The following HERC1 variants were observed in gnomAD, a reference collection of about 807,000 sequenced individuals.
HERC1 encodes the protein HECT and RLD domain containing E3 ubiquitin protein ligase family member 1.
In HERC1, 160 loss-of-function variants were observed where a neutral mutation model predicts 554.3. The ratio of observed to expected loss-of-function variants is 0.29; its 90% CI spans 0.25 to 0.33. The LOEUF is 0.33. Among genes scored for constraint, HERC1 ranks in the 10% least tolerant of loss-of-function variants. The pLI is 1.00. For missense variants in HERC1, 4,919 were observed against 5,918.5 expected (o/e 0.83, Z 5.54); for synonymous variants, 2,175 against 2,131.7 (o/e 1.02, Z -0.56).
intron 60 of HERC1, 53 bp downstream of exon 60, chr15:63,641,417 A>T: frequency 6.8e-7 from 1 of 1,476,780 alleles, no homozygotes; most frequent in Non-Finnish European, 9.3e-7. Context: ...CTATAATCAC[A>T]TTCCAAAGCA....
chr15:63,714,043 GA>G (rs1424097127), intron 22 of HERC1, among the ~76,000 whole-genome samples: 1 of 152,108 alleles, frequency 6.6e-6, no homozygotes. Context: ...TTCTGAATCA[GA>G]ACCTCTAGGT....
chr15:63,720,417 T>C (rs1263940863), intron 19 of HERC1, among the ~76,000 whole-genome samples: 1 of 152,142 alleles, frequency 6.6e-6, no homozygotes, highest in Non-Finnish European at 1.5e-5. Context: ...ACAGATTTGC[T>C]AAATATCTGG....
At chr15:63,653,159 G>C in intron 51 of HERC1, among the ~76,000 whole-genome samples, 1 of 152,064 alleles carries the variant, frequency 6.6e-6, no homozygotes, top group East Asian at 1.9e-4. Flanking sequence ...TGTTTAAGTA[G>C]GCCAGGTGCA....
Position 63,729,569 on chromosome 15 carries a change from A to T in HERC1, c.2949T>A (p.Ala983=), listed in dbSNP as rs761949130. ...GTSSSENSQP[A]HLHELLCSLQ... ...GTGAACATAGCAGTTCATGAAGATGAGCAGGCTGACTGTTTTCTGATGATG... is the reference window on the plus strand; with the variant it reads ...GTGAACATAGCAGTTCATGAAGATGTGCAGGCTGACTGTTTTCTGATGATG... The change falls in exon 15 of 78, where the codon GCT becomes GCA. Residue 983 remains alanine (A), a synonymous_variant. Transcript: ENST00000443617. 2 of 1,613,846 alleles carry T rather than the reference A, an allele frequency of 1.2e-6. No homozygotes were observed. The highest frequency in any genetic ancestry group is 1.3e-5 in the African/African-American group (1 of 75,026).
chr15:63,619,815 G>T (rs950335826), intron 74 of HERC1, among the ~76,000 whole-genome samples: 1 of 152,078 alleles, frequency 6.6e-6, no homozygotes, highest in African/African-American at 2.4e-5. Context: ...ATGGTAGTTT[G>T]TATTTCTGTG....
chr15:63,695,234 G>GCCATATTCA (rs2072335989), intron 27 of HERC1, among the ~76,000 whole-genome samples: 1 of 151,892 alleles, frequency 6.6e-6, no homozygotes, highest in African/African-American at 2.4e-5. Context: ...ACAGGGTTTC[G>GCCATATTCA]CCATATTGTC....
At chr15:63,725,903 T>A (rs150939207) in intron 17 of HERC1, among the ~76,000 whole-genome samples, 1 of 152,078 alleles carries the variant, frequency 6.6e-6, no homozygotes, top group African/African-American at 2.4e-5. Context: ...CATTCAAGAT[T>A]GTTTAATGCT....
chr15:63,628,903 CATAAATAAGTTA>C, intron 69 of HERC1, 88 bp from the exon 70 acceptor site: 1 of 1,249,130 alleles, frequency 8.0e-7, no homozygotes, highest in Non-Finnish European at 1.1e-6. Context: ...TGGTGGCAGA[CATAAATAAGTTA>C]ATAACTGTAC....
At chr15:63,705,764 T>G (rs892538840) in intron 25 of HERC1, among the ~76,000 whole-genome samples, 49 of 152,148 alleles carry the variant, frequency 3.2e-4, no homozygotes, top group Admixed American at 4.6e-4. Flanking sequence ...TGGTGGCTCA[T>G]GCATACAATA....
chr15:63,657,403 G>A (rs916581531), intron 48 of HERC1, among the ~76,000 whole-genome samples: 2 of 151,670 alleles, frequency 1.3e-5, no homozygotes, highest in African/African-American at 4.8e-5. Flanking sequence ...CACTGAGGTT[G>A]AACATCTTTT....
chr15:63,674,748 T>A lies in HERC1; in HGVS notation c.7440A>T (p.Gln2480His). 1 of 1,613,894 alleles carries A rather than the reference T, an allele frequency of 6.2e-7. No homozygotes were observed. The highest frequency in any genetic ancestry group is 8.5e-7 in the Non-Finnish European group (1 of 1,179,862). The part of the protein sequence containing the change: ...PTLPSVESQH[Q>H]ITEGKRKNHE... ...GATTTTTTCTTTTCCCTTCTGTTAT[T>A]TGATGTTGGGATTCCACACTTGGCA... The change falls in exon 38 of 78, where the codon CAA becomes CAT. Residue 2480 changes from glutamine (Q) to histidine (H), a missense_variant. Gln to His is a conservative substitution (Grantham distance 24). Coordinates refer to ENST00000443617, the MANE Select transcript of HERC1 (RefSeq NM_003922.4).
chr15:63,745,497 G>A (rs2075022876), intron 12 of HERC1, among the ~76,000 whole-genome samples: 1 of 152,212 alleles, frequency 6.6e-6, no homozygotes, highest in African/African-American at 2.4e-5. Context: ...GTGCACAGGT[G>A]TCAGCTGAGT....
At chr15:63,620,359 C>T (rs1237064650) in intron 74 of HERC1, among the ~76,000 whole-genome samples, 5 of 152,076 alleles carry the variant, frequency 3.3e-5, no homozygotes, top group South Asian at 4.2e-4. Flanking sequence ...GTCTGAGAGA[C>T]AGTTTGTTAT....
intron 13 of HERC1, among the ~76,000 whole-genome samples, chr15:63,733,543 G>A (rs2074381049): frequency 6.6e-6 from 1 of 152,082 alleles, no homozygotes; most frequent in African/African-American, 2.4e-5. Context: ...CTAAACTAAT[G>A]CAAAATACTC....
Position 63,767,761 on chromosome 15 carries a change from GGA to G in HERC1, c.931-3572_931-3571del, listed in dbSNP as rs570149143. Among the ~76,000 whole-genome samples, 90 of 152,274 alleles carry G rather than the reference GGA, an allele frequency of 5.9e-4. 3 individuals carry two copies. In the South Asian group the frequency reaches 0.018, roughly 30 times the overall value. On this transcript the variant is annotated intron_variant, in intron 2 of 77. Transcript: ENST00000443617. ...AAATCAATGAAATGTCAATCACTTT[GGA>G]GAGTTCTCCGAAGAGCTGAGTATTA...
Position 63,764,144 on chromosome 15 carries a change from C to G in HERC1, c.978G>C (p.Ser326=), listed in dbSNP as rs376235781. ...RSQWREPTRT[S]DGLCSLYEAA... ...CCTCGTAAAGGGAGCACAAGCCATC[C>G]GATGTTCTGGTTGGTTCTCTCCACT... The change falls in exon 3 of 78, where the codon TCG becomes TCC. Residue 326 remains serine, a synonymous_variant. Transcript: ENST00000443617. The G allele has an allele frequency of 3.7e-6, 6 of 1,611,216 alleles. No homozygotes were observed. In the African/African-American group the frequency reaches 6.7e-5, roughly 18 times the overall value.
Position 63,680,129 on chromosome 15 carries a change from G to A in HERC1, c.6497C>T (p.Ala2166Val), listed in dbSNP as rs1387371127. The A allele has an allele frequency of 8.7e-6, 14 of 1,613,276 alleles. No individual in the cohort carries two copies. Among genetic ancestry groups the A allele is most frequent in the South Asian group, 2.2e-5 (2 of 91,036 alleles). The change falls in exon 36 of 78, where the codon GCA (alanine) becomes GTA (valine). Residue 2166 changes from alanine to valine, a missense_variant. This residue lies in a region of HERC1 where 85 missense variants were observed against 163.2 expected (regional missense o/e 0.52). Transcript: ENST00000443617. This position sits in a 1 kb window ranked among gnomAD's most constrained non-coding sequence, Gnocchi z 5.8. ...CATCACACATGGGTACAACTCTGCT[G>A]CATCCACATCTTCAAAAGCTAATTT... ...EPKLAFEDVDAAELYPCVMFY... is the reference protein window; with the variant it reads ...EPKLAFEDVDVAELYPCVMFY...
intron 12 of HERC1, among the ~76,000 whole-genome samples, chr15:63,746,373 A>C (rs1420538085): frequency 6.6e-6 from 1 of 152,198 alleles, no homozygotes; most frequent in Non-Finnish European, 1.5e-5. Flanking sequence ...TTTGTATTAC[A>C]AATATATAGA....
chr15:63,682,988 T>C (rs1471127609), intron 34 of HERC1, among the ~76,000 whole-genome samples: 1 of 151,826 alleles, frequency 6.6e-6, no homozygotes, highest in Non-Finnish European at 1.5e-5. Flanking sequence ...ACACAAAAAT[T>C]AGCCAGGCAT....
Sources: gnomAD v4.1 joint callset for allele counts (sites outside exome capture counted in the v4.1 genomes callset) on GRCh38, gnomAD v4.1.1 for gene constraint, gnomAD v4.1.1 regional missense constraint, Gnocchi (gnomAD v3.1) non-coding constraint, MANE v1.5 for transcripts, NCBI Gene and HGNC (gene_info 2026-07-23, HGNC 2026-07-21) for gene names.